CRYBG1: variants seen among roughly 807,000 people sequenced by gnomAD.
The protein encoded by CRYBG1 is beta/gamma crystallin domain-containing protein 1.
Under a neutral mutation model 189.2 loss-of-function variants are expected in CRYBG1, and 139 were observed. The ratio of observed to expected loss-of-function variants is 0.73; its 90% CI spans 0.64 to 0.85. The LOEUF (loss-of-function observed/expected upper bound fraction) is 0.85, where lower values mean the gene tolerates loss of function less well. CRYBG1 is among the 40% of genes least tolerant of loss of function. The pLI is 0.00. For missense variants in CRYBG1, 2,611 were observed against 2,675.8 expected (o/e 0.98, Z 0.53); for synonymous variants, 1,023 against 1,017.1 (o/e 1.01, Z -0.11).
At chr6:106,541,652 G>A (rs1375342581) in intron 10 of CRYBG1, 31 bp downstream of exon 10, 1 of 1,446,038 alleles carries the variant, frequency 6.9e-7, no homozygotes, top group Non-Finnish European at 9.6e-7. Context: ...TTGTATGTAT[G>A]TATATGTAAT....
chr6:106,377,647 A>ATATATATATATATATATT (rs1562290499), intron 1 of CRYBG1, among the ~76,000 whole-genome samples: 2 of 144,252 alleles, frequency 1.4e-5, no homozygotes, highest in African/African-American at 5.4e-5. Context: ...ATATATATAT[A>ATATATATATATATATATT]TTTTCATTTG....
chr6:106,516,149 T>A, intron 3 of CRYBG1, among the ~76,000 whole-genome samples: 1 of 152,064 alleles, frequency 6.6e-6, no homozygotes, highest in Non-Finnish European at 1.5e-5. Flanking sequence ...CAGTGCTGCT[T>A]TTGGAGAGAA....
At chr6:106,537,327 T>TGAACCAAG (rs1384790014) in intron 8 of CRYBG1, among the ~76,000 whole-genome samples, 1 of 152,182 alleles carries the variant, frequency 6.6e-6, no homozygotes, top group African/African-American at 2.4e-5. Context: ...TGTAAAGAAG[T>TGAACCAAG]CAGACTTGGG....
intron 1 of CRYBG1, among the ~76,000 whole-genome samples, chr6:106,401,225 A>G (rs1770713408): frequency 6.6e-6 from 1 of 152,188 alleles, no homozygotes; most frequent in Admixed American, 6.5e-5. Flanking sequence ...TCATTTTTTA[A>G]TGAGTGACTC....
At chr6:106,565,427 G>A (rs1774854462) in intron 21 of CRYBG1, among the ~76,000 whole-genome samples, 1 of 152,160 alleles carries the variant, frequency 6.6e-6, no homozygotes, top group Admixed American at 6.5e-5. Flanking sequence ...CAGGGGCTTT[G>A]GTAACTGTAT....
chr6:106,512,499 C>A lies in CRYBG1; in HGVS notation c.1382C>A (p.Ala461Asp), dbSNP rs746940343. 4.3e-6 allele frequency: 7 copies of A among 1,611,110 alleles called. No individual in the cohort carries two copies. The highest frequency in any genetic ancestry group is 5.9e-6 in the Non-Finnish European group (7 of 1,179,230). The change falls in exon 3 of 22, where the codon GCC becomes GAC. Residue 461 changes from alanine to aspartate, a missense_variant. Physicochemically the swap from Ala to Asp is moderately radical, Grantham distance 126. Transcript: ENST00000633556. ...GCGCCAAACGCGGCCAGCGATAACGCCTCGGCGGAAAAGAAAGTGAAATCT... is the reference window on the plus strand; with the variant it reads ...GCGCCAAACGCGGCCAGCGATAACGACTCGGCGGAAAAGAAAGTGAAATCT... The part of the protein sequence containing the change: ...EVAPNAASDN[A>D]SAEKKVKSPR...
chr6:106,438,276 C>G (rs146018873), intron 1 of CRYBG1, among the ~76,000 whole-genome samples: 132 of 152,302 alleles, frequency 8.7e-4, no homozygotes, highest in African/African-American at 3.1e-3. Context: ...AAACGTTGCC[C>G]TCTCCTCAAG....
intron 1 of CRYBG1, among the ~76,000 whole-genome samples, chr6:106,434,959 T>A (rs1233480713): frequency 2.0e-5 from 3 of 152,222 alleles, no homozygotes; most frequent in Non-Finnish European, 4.4e-5. Context: ...AAAGAGGCTG[T>A]AGGGTAAATG....
At chr6:106,408,115 A>G (rs564467386) in intron 1 of CRYBG1, among the ~76,000 whole-genome samples, 2 of 152,338 alleles carry the variant, frequency 1.3e-5, no homozygotes, top group East Asian at 3.9e-4. Context: ...AACAAAATAG[A>G]TAGACTGCTA....
At chr6:106,378,107 G>A (rs1285131400) in intron 1 of CRYBG1, among the ~76,000 whole-genome samples, 1 of 152,138 alleles carries the variant, frequency 6.6e-6, no homozygotes. Context: ...GCTTAGGGGA[G>A]CCCTGTCACC....
intron 2 of CRYBG1, among the ~76,000 whole-genome samples, chr6:106,481,643 C>T (rs994954077): frequency 6.6e-6 from 1 of 152,160 alleles, no homozygotes; most frequent in African/African-American, 2.4e-5. Flanking sequence ...TCTCATTGAT[C>T]GGCAGGCTTC....
At chr6:106,421,089 T>C (rs541470622) in intron 1 of CRYBG1, among the ~76,000 whole-genome samples, 1 of 152,262 alleles carries the variant, frequency 6.6e-6, no homozygotes, top group African/African-American at 2.4e-5. Flanking sequence ...GCCATCCCAC[T>C]TTGAGAATCT....
intron 1 of CRYBG1, among the ~76,000 whole-genome samples, chr6:106,369,976 C>T (rs192949229): frequency 7.1e-4 from 108 of 152,272 alleles, no homozygotes; most frequent in African/African-American, 2.6e-3. Flanking sequence ...AGGTAAATCC[C>T]TGCAAGTTAA....
intron 2 of CRYBG1, among the ~76,000 whole-genome samples, chr6:106,468,566 T>C (rs940913989): frequency 2.0e-5 from 3 of 152,214 alleles, no homozygotes; most frequent in South Asian, 4.1e-4. Context: ...GGCGTGTGCC[T>C]GTAGTCTCAG....
intron 1 of CRYBG1, among the ~76,000 whole-genome samples, chr6:106,383,465 T>A (rs1338049408): frequency 3.3e-5 from 5 of 152,226 alleles, no homozygotes; most frequent in African/African-American, 1.2e-4. Context: ...TTTGCTTAAG[T>A]GATGATAAGT....
chr6:106,411,430 ATTAGT>A (rs1205412509), intron 1 of CRYBG1, among the ~76,000 whole-genome samples: 1 of 152,098 alleles, frequency 6.6e-6, no homozygotes, highest in African/African-American at 2.4e-5. Flanking sequence ...GGCAATTTTG[ATTAGT>A]TTAGTTTCTT....
intron 13 of CRYBG1, 80 bp from the exon 14 acceptor site, chr6:106,551,772 A>G (rs1010529463): frequency 6.9e-7 from 1 of 1,439,060 alleles, no homozygotes; most frequent in Non-Finnish European, 9.6e-7. Context: ...AAGTTTCTGT[A>G]TGATACATAG....
At chr6:106,374,738 G>T (rs115549098) in intron 1 of CRYBG1, among the ~76,000 whole-genome samples, 3 of 152,046 alleles carry the variant, frequency 2.0e-5, no homozygotes, top group Non-Finnish European at 4.4e-5. Context: ...TATCTATAAT[G>T]TAAAGATATG....
rs752001541 is a variant in CRYBG1 at position 106,519,734 on chromosome 6, G to T, written c.2526G>T (p.Val842=). 2.5e-6 allele frequency: 4 copies of T among 1,614,132 alleles called. No individual in the cohort carries two copies. Among genetic ancestry groups the T allele is most frequent in the Non-Finnish European group, 3.4e-6 (4 of 1,180,032 alleles). The change falls in exon 4 of 22, where the codon GTG becomes GTT. Residue 842 remains valine, a synonymous_variant. Transcript: ENST00000633556. ...CAGCACAAGACATCCCCACCACTGT[G>T]GATACCAAAGATTTACCTCCAACGG... The part of the protein sequence containing the change: ...TDTAQDIPTT[V]DTKDLPPTAM...
Sources: allele counts gnomAD v4.1 joint callset (sites outside exome capture counted in the v4.1 genomes callset), GRCh38; gene constraint gnomAD v4.1.1; transcripts MANE v1.5; gene names NCBI Gene and HGNC (gene_info 2026-07-23, HGNC 2026-07-21).